PACS2: variants seen among roughly 807,000 people sequenced by gnomAD.
The protein encoded by PACS2 is phosphofurin acidic cluster sorting protein 2.
Under a neutral mutation model 113.0 loss-of-function variants are expected in PACS2, and 36 were observed. The ratio of observed to expected loss-of-function variants is 0.32; its 90% CI spans 0.24 to 0.42. The LOEUF (loss-of-function observed/expected upper bound fraction) is 0.42, where lower values mean the gene tolerates loss of function less well. Ranked by LOEUF, PACS2 falls within the 10% of genes least tolerant of loss-of-function variation. The probability of loss-of-function intolerance (pLI) is 1.00; values close to 1 mark genes in which losing one functional copy is unlikely to be tolerated. For synonymous variants in PACS2, 589 were observed against 536.1 expected (o/e 1.10, Z -1.36); for missense variants, 1,015 against 1,239.5 (o/e 0.82, Z 2.72).
upstream of PACS2, among the ~76,000 whole-genome samples, chr14:105,310,753 C>T (rs975024711): frequency 5.3e-5 from 8 of 152,068 alleles, no homozygotes; most frequent in Non-Finnish European, 1.2e-4. Context: ...AATACATGTT[C>T]ATCATGGAGA....
Position 105,315,040 on chromosome 14 carries a change from A to G in PACS2, c.119+3A>G, listed in dbSNP as rs1354803530. The G allele has an allele frequency of 2.5e-6, 3 of 1,178,282 alleles. No individual in the cohort carries two copies. The highest frequency in any genetic ancestry group is 3.2e-6 in the Non-Finnish European group (3 of 943,112). 73.0% of individuals were successfully genotyped at this position (1,178,282 alleles called of 1,614,324 possible). On this transcript the variant is annotated splice_donor_region_variant and intron_variant, in intron 1 of 24. Coordinates refer to ENST00000447393, the MANE Select transcript of PACS2 (RefSeq NM_001100913.3). The surrounding 1 kb of genome is among the most constrained non-coding windows in gnomAD (Gnocchi z 4.4). ...TCCAGCCCCAGCTGCGTGCCCAGGTACGCGCCGCCCGCCGCGCTTTGTTCC... is the reference window on the plus strand; with the variant it reads ...TCCAGCCCCAGCTGCGTGCCCAGGTGCGCGCCGCCCGCCGCGCTTTGTTCC...
intron 1 of PACS2, among the ~76,000 whole-genome samples, chr14:105,307,753 C>G (rs1278566241): frequency 6.6e-6 from 1 of 152,198 alleles, no homozygotes; most frequent in Admixed American, 6.5e-5. Context: ...TAAGAATAGC[C>G]CACCCTAGCA....
At chr14:105,386,241 G>A (rs1167668331) in intron 19 of PACS2, among the ~76,000 whole-genome samples, 3 of 152,164 alleles carry the variant, frequency 2.0e-5, no homozygotes, top group African/African-American at 4.8e-5. Flanking sequence ...CCCTACACAC[G>A]GGGACGCCCA....
chr14:105,383,324 G>T, intron 15 of PACS2, 35 bp from the exon 16 acceptor site: 1 of 1,601,824 alleles, frequency 6.2e-7, no homozygotes, highest in African/African-American at 1.3e-5. Context: ...TGAGGCGTCT[G>T]TCCCCTCTCC....
At chr14:105,347,225 A>G (rs2140997662) in intron 1 of PACS2, among the ~76,000 whole-genome samples, 1 of 150,958 alleles carries the variant, frequency 6.6e-6, no homozygotes, top group African/African-American at 2.4e-5. Context: ...TCCATTTTAC[A>G]AATGGGTTGA....
chr14:105,311,100 G>A (rs142398643), upstream of PACS2, among the ~76,000 whole-genome samples: 198 of 152,114 alleles, frequency 1.3e-3, no homozygotes, highest in Non-Finnish European at 2.3e-3. Context: ...TTACAGGCGC[G>A]CACCATCATG....
intron 1 of PACS2, among the ~76,000 whole-genome samples, chr14:105,322,614 G>A (rs1336119923): frequency 2.0e-5 from 3 of 152,214 alleles, no homozygotes; most frequent in Non-Finnish European, 4.4e-5. Context: ...TTACTCTCCT[G>A]CTGAACTATG....
chr14:105,369,696 G>A (rs587679407), intron 7 of PACS2, 145 bp from the exon 8 acceptor site: 4 of 658,168 alleles, frequency 6.1e-6, no homozygotes, highest in South Asian at 5.4e-5. Context: ...TGGGAGCCAC[G>A]AGCGAATCCA....
At chr14:105,386,856 G>A (rs1188878925) in intron 19 of PACS2, among the ~76,000 whole-genome samples, 1 of 152,210 alleles carries the variant, frequency 6.6e-6, no homozygotes, top group African/African-American at 2.4e-5. Context: ...AGCCGTGGGG[G>A]CCTCCCCTGC....
Position 105,351,333 on chromosome 14 carries a change from G to A in PACS2, c.208-1045G>A, listed in dbSNP as rs181779346. Among the ~76,000 whole-genome samples, 18 of 152,320 alleles carry A rather than the reference G, an allele frequency of 1.2e-4. No homozygotes were observed. The East Asian group carries it at 3.1e-3, about 26-fold the overall frequency. Reference sequence around the variant, plus strand: ...CTGTTGTCTTTCACGCAAATGACTCGTTATCCATTTAGCAGGTGCGTGTGA... The same window carrying A: ...CTGTTGTCTTTCACGCAAATGACTCATTATCCATTTAGCAGGTGCGTGTGA... On this transcript the variant is annotated intron_variant, in intron 2 of 24. Transcript: ENST00000447393.
chr14:105,347,957 C>A (rs1283067473), intron 1 of PACS2, among the ~76,000 whole-genome samples: 1 of 152,156 alleles, frequency 6.6e-6, no homozygotes, highest in South Asian at 2.1e-4. Flanking sequence ...CTGTCCCTGG[C>A]GTCTCCAGCA....
At chr14:105,331,403 G>T (rs1010036396) in intron 1 of PACS2, among the ~76,000 whole-genome samples, 1 of 152,174 alleles carries the variant, frequency 6.6e-6, no homozygotes, top group Non-Finnish European at 1.5e-5. Flanking sequence ...ATTAAGGAAG[G>T]ATCAAGACTG....
At position 105,361,724 on chromosome 14, in the gene PACS2, C is replaced by T. The variant is rs1208574646; in HGVS notation, c.424-5489C>T. On this transcript the variant is annotated intron_variant, in intron 4 of 24. Coordinates refer to ENST00000447393, the MANE Select transcript of PACS2 (RefSeq NM_001100913.3). ...CAGCACTTTGGGAGGCCAAGGCGGG[C>T]AGGTCACCTGAGGTCGGGAGCTCGA... 2.0e-5 allele frequency among the ~76,000 whole-genome samples: 3 copies of T among 151,772 alleles called. No homozygotes were observed. In the East Asian group the frequency reaches 5.9e-4, roughly 30 times the overall value.
At position 105,358,783 on chromosome 14, in the gene PACS2, T is replaced by C. The variant is rs2060555502; in HGVS notation, c.423+3606T>C. On this transcript the variant is annotated intron_variant, in intron 4 of 24. Transcript: ENST00000447393. The surrounding 1 kb of genome is among the most constrained non-coding windows in gnomAD (Gnocchi z 4.9). The stretch of plus-strand genomic sequence containing the variant: ...AGGGGACCTGTGAGGGGCGGGCGGC[T>C]CATGGTGGGACACAGGAAGACCTCA... 6.6e-6 allele frequency among the ~76,000 whole-genome samples: 1 copy of C among 152,120 alleles called. No individual in the cohort carries two copies. Among genetic ancestry groups the C allele is most frequent in the African/African-American group, 2.4e-5 (1 of 41,420 alleles).
chr14:105,345,515 C>T (rs2059892456), intron 1 of PACS2, among the ~76,000 whole-genome samples: 1 of 152,200 alleles, frequency 6.6e-6, no homozygotes, highest in Admixed American at 6.5e-5. Flanking sequence ...TTAGCTGCAC[C>T]TGGCAGATTG....
In PACS2 at chr14:105,355,990, G is replaced by A. The variant is rs1485141225; in HGVS notation, c.423+813G>A. On this transcript the variant is annotated intron_variant, in intron 4 of 24. Transcript: ENST00000447393. The surrounding 1 kb of genome is among the most constrained non-coding windows in gnomAD (Gnocchi z 4.1). ...GCTGCGGGCGTGAGTGGTGCTTGGG[G>A]CATGTGAAGCTGGGTTGCTGCCTGC... Among the ~76,000 whole-genome samples the A allele has an allele frequency of 6.6e-6, 1 of 152,148 alleles. No individual in the cohort carries two copies. Among genetic ancestry groups the A allele is most frequent in the African/African-American group, 2.4e-5 (1 of 41,418 alleles).
In PACS2 at chr14:105,317,534, G is replaced by A. The variant is rs1047289225; in HGVS notation, c.119+2497G>A. Among the ~76,000 whole-genome samples the A allele has an allele frequency of 2.0e-5, 3 of 152,178 alleles. No homozygotes were observed. The highest frequency in any genetic ancestry group is 6.5e-5 in the Admixed American group (1 of 15,278). On this transcript the variant is annotated intron_variant, in intron 1 of 24. Coordinates refer to ENST00000447393, the MANE Select transcript of PACS2 (RefSeq NM_001100913.3). This position sits in a 1 kb window ranked among gnomAD's most constrained non-coding sequence, Gnocchi z 4.2. ...AGTCTGGTGGGTGTGAAGTGGTATC[G>A]TGGTTTTAACTTGAATTTCTCTGAT...
rs1555414091 is a variant in PACS2, at chr14:105,388,360, C to T, written c.2034-1601C>T. ...TGGGAGTGTGCTCTGGACCGGCTGC[C>T]GGGCAGAGGCTGTTTTACTTGTGGG... On this transcript the variant is annotated intron_variant, in intron 19 of 24. Transcript: ENST00000447393. Among the ~76,000 whole-genome samples the T allele has an allele frequency of 2.0e-5, 3 of 152,234 alleles. 1 individual carries two copies. Among genetic ancestry groups the T allele is most frequent in the African/African-American group, 4.8e-5 (2 of 41,462 alleles).
At chr14:105,318,459 T>G (rs1427982912) in intron 1 of PACS2, among the ~76,000 whole-genome samples, 1 of 152,066 alleles carries the variant, frequency 6.6e-6, no homozygotes, top group Non-Finnish European at 1.5e-5. Flanking sequence ...TTTTTTGTTT[T>G]GTTTTGTTTT....
Sources: allele counts gnomAD v4.1 joint callset (sites outside exome capture counted in the v4.1 genomes callset), GRCh38; gene constraint gnomAD v4.1.1; non-coding constraint Gnocchi (gnomAD v3.1); transcripts MANE v1.5; gene names NCBI Gene and HGNC (gene_info 2026-07-23, HGNC 2026-07-21).